SH3GL2: variants seen among roughly 807,000 people sequenced by gnomAD.
The protein encoded by SH3GL2 is SH3 domain containing GRB2 like 2, endophilin A1.
SH3GL2 carries 24 observed loss-of-function variants against 46.0 expected under a neutral mutation model. The observed-to-expected ratio is 0.52, with a 90% CI of 0.38 to 0.73. The LOEUF (loss-of-function observed/expected upper bound fraction) is 0.73, where lower values mean the gene tolerates loss of function less well. Ranked by LOEUF, SH3GL2 falls within the 30% of genes least tolerant of loss-of-function variation. SH3GL2 has a pLI of 0.00. For synonymous variants in SH3GL2, 196 were observed against 147.1 expected (o/e 1.33, Z -2.40); for missense variants, 413 against 424.2 (o/e 0.97, Z 0.23).
rs374853926 is a variant in SH3GL2, at chr9:17,764,973, T to C, written c.187+3464T>C. Among the ~76,000 whole-genome samples, 41 of 3,172 alleles carry C rather than the reference T, an allele frequency of 0.013. No homozygotes were observed. The East Asian group carries it at 0.21, about 17-fold the overall frequency. 2.1% of individuals were successfully genotyped at this position (3,172 alleles called of 152,430 possible). On this transcript the variant is annotated intron_variant, in intron 3 of 8. Coordinates refer to ENST00000380607, the MANE Select transcript of SH3GL2 (RefSeq NM_003026.5). ...TAGGATTTGATGCTTCGAGGGTACT[T>C]TGGGAGTACATCTGTATTAGATTAC...
At chr9:17,659,194 A>C (rs1287647897) in intron 1 of SH3GL2, among the ~76,000 whole-genome samples, 2 of 152,136 alleles carry the variant, frequency 1.3e-5, no homozygotes, top group African/African-American at 4.8e-5. Flanking sequence ...CCCTTCCTGT[A>C]TTTACACTGG....
chr9:17,595,568 G>A (rs1238544994), intron 1 of SH3GL2, among the ~76,000 whole-genome samples: 2 of 152,146 alleles, frequency 1.3e-5, no homozygotes, highest in African/African-American at 2.4e-5. Flanking sequence ...GAATATAAAT[G>A]TATAAGTATG....
At chr9:17,725,699 A>G (rs1822004557) in intron 1 of SH3GL2, among the ~76,000 whole-genome samples, 1 of 152,090 alleles carries the variant, frequency 6.6e-6, no homozygotes. Flanking sequence ...TAAGGGCCCC[A>G]GTATTCTCAG....
chr9:17,590,118 C>A (rs1364034265), intron 1 of SH3GL2: 1 of 152,172 alleles, frequency 6.6e-6, no homozygotes, highest in Non-Finnish European at 1.5e-5. Context: ...CCTCTCACTT[C>A]TGTTATTTTC....
chr9:17,793,890 G>T (rs1824201704), intron 8 of SH3GL2, among the ~76,000 whole-genome samples: 1 of 152,198 alleles, frequency 6.6e-6, no homozygotes, highest in Non-Finnish European at 1.5e-5. Context: ...AATGCCCCTG[G>T]ACAGTGTGTC....
intron 1 of SH3GL2, among the ~76,000 whole-genome samples, chr9:17,658,909 C>G (rs1453123304): frequency 6.6e-6 from 1 of 152,170 alleles, no homozygotes; most frequent in Non-Finnish European, 1.5e-5. Flanking sequence ...TCTTCAGGAC[C>G]TGCTTGAAGT....
At chr9:17,726,691 A>C (rs1588277014) in intron 1 of SH3GL2, among the ~76,000 whole-genome samples, 1 of 152,322 alleles carries the variant, frequency 6.6e-6, no homozygotes, top group East Asian at 1.9e-4. Flanking sequence ...TAGGAAGCAG[A>C]GAGGATCAAT....
chr9:17,752,155 G>A (rs912297842), intron 2 of SH3GL2, among the ~76,000 whole-genome samples: 1 of 152,148 alleles, frequency 6.6e-6, no homozygotes, highest in Non-Finnish European at 1.5e-5. Flanking sequence ...GCAGCTTGGG[G>A]ACAGATGGAT....
At chr9:17,741,868 T>A (rs1822537276) in intron 1 of SH3GL2, among the ~76,000 whole-genome samples, 1 of 151,976 alleles carries the variant, frequency 6.6e-6, no homozygotes, top group Non-Finnish European at 1.5e-5. Flanking sequence ...ACAGAGGAAG[T>A]CTGATAACTT....
intron 1 of SH3GL2, among the ~76,000 whole-genome samples, chr9:17,739,358 A>G (rs1269584476): frequency 6.6e-6 from 1 of 152,062 alleles, no homozygotes; most frequent in East Asian, 1.9e-4. Context: ...CTAGCTTTAA[A>G]TAGAATTCGA....
chr9:17,757,331 C>T (rs964558051), intron 2 of SH3GL2, among the ~76,000 whole-genome samples: 4 of 152,164 alleles, frequency 2.6e-5, no homozygotes, highest in Admixed American at 6.5e-5. Flanking sequence ...AACTAAAGAG[C>T]TTCTGCACAG....
At chr9:17,680,628 C>A (rs1266814135) in intron 1 of SH3GL2, among the ~76,000 whole-genome samples, 3 of 151,970 alleles carry the variant, frequency 2.0e-5, no homozygotes, top group African/African-American at 7.3e-5. Flanking sequence ...TCTCTATCTC[C>A]TTCAGTTCTT....
At chr9:17,724,638 C>G (rs72614244) in intron 1 of SH3GL2, among the ~76,000 whole-genome samples, 22,080 of 152,142 alleles carry the variant, frequency 0.15, 2,099 homozygotes, top group Admixed American at 0.3. Flanking sequence ...TTGTTGAAAC[C>G]TGTACATTTT....
At chr9:17,705,101 C>G (rs754318133) in intron 1 of SH3GL2, among the ~76,000 whole-genome samples, 7 of 151,716 alleles carry the variant, frequency 4.6e-5, no homozygotes, top group South Asian at 2.1e-4. Context: ...AGACACTTTT[C>G]AAAAGAAAGC....
chr9:17,623,136 G>A (rs926376671), intron 1 of SH3GL2, among the ~76,000 whole-genome samples: 1 of 140,576 alleles, frequency 7.1e-6, no homozygotes, highest in Non-Finnish European at 1.5e-5. Context: ...GTTTGGAAGG[G>A]TGAAATAAAG....
intron 1 of SH3GL2, among the ~76,000 whole-genome samples, chr9:17,670,445 C>T (rs555729105): frequency 2.8e-4 from 43 of 152,122 alleles, no homozygotes; most frequent in Admixed American, 1.3e-3. Flanking sequence ...TAAGAAACTG[C>T]GAAAGTGTTT....
At chr9:17,755,758 CACAA>C in intron 2 of SH3GL2, 1 of 984,468 alleles carries the variant, frequency 1.0e-6, no homozygotes, top group Non-Finnish European at 1.2e-6. Flanking sequence ...TTTGTTGCTC[CACAA>C]ACAACGCCAC....
Position 17,649,546 on chromosome 9 carries a change from G to T in SH3GL2, c.45+70259G>T, listed in dbSNP as rs541188268. Among the ~76,000 whole-genome samples, 343 of 152,218 alleles carry T rather than the reference G, an allele frequency of 2.3e-3. 3 individuals carry two copies. The highest frequency in any genetic ancestry group is 8.1e-3 in the African/African-American group (337 of 41,518). ...ATGTTACCAAAGTATATTTAAAAGG[G>T]CATTGGTAAATACCACAAAACGTAT... is the stretch of plus-strand genomic sequence containing the variant. On this transcript the variant is annotated intron_variant, in intron 1 of 8. Coordinates refer to ENST00000380607, the MANE Select transcript of SH3GL2 (RefSeq NM_003026.5).
At chr9:17,782,343 T>C (rs1327350078) in intron 3 of SH3GL2, among the ~76,000 whole-genome samples, 1 of 152,130 alleles carries the variant, frequency 6.6e-6, no homozygotes, top group African/African-American at 2.4e-5. Flanking sequence ...GTGATCACTT[T>C]TTGTCATCCT....
Sources: gnomAD v4.1 joint callset for allele counts (sites outside exome capture counted in the v4.1 genomes callset) on GRCh38, gnomAD v4.1.1 for gene constraint, MANE v1.5 for transcripts, NCBI Gene and HGNC (gene_info 2026-07-23, HGNC 2026-07-21) for gene names.